GALNT13: variants seen among roughly 807,000 people sequenced by gnomAD.
GALNT13 encodes the protein polypeptide N-acetylgalactosaminyltransferase 13.
A neutral mutation model predicts 64.2 loss-of-function variants in GALNT13; 28 were observed. The ratio of observed to expected loss-of-function variants is 0.44; its 90% confidence interval spans 0.32 to 0.60. GALNT13 has a LOEUF of 0.60. Ranked by LOEUF, GALNT13 falls within the 20% of genes least tolerant of loss-of-function variation. The pLI, the probability that GALNT13 is intolerant of heterozygous loss-of-function variation, is 0.05. For synonymous variants in GALNT13, 214 were observed against 224.6 expected (o/e 0.95, Z 0.42); for missense variants, 577 against 669.8 (o/e 0.86, Z 1.53).
rs1392786236 is a variant in GALNT13 at position 154,379,753 on chromosome 2, C to A, written c.1157-16238C>A. 3.3e-5 allele frequency among the ~76,000 whole-genome samples: 5 copies of A among 152,100 alleles called. No individual in the cohort carries two copies. In the East Asian group the frequency reaches 9.7e-4, roughly 29 times the overall value. On this transcript the variant is annotated intron_variant, in intron 9 of 12. Transcript: ENST00000392825. Reference sequence around the variant, plus strand: ...CTGTTAAAATTTACAATGAATTCTGCAACACTGCCTTGCTGAGTAACTCTT... The same window carrying A: ...CTGTTAAAATTTACAATGAATTCTGAAACACTGCCTTGCTGAGTAACTCTT...
At chr2:153,275,133 C>G in the GALNT13 span, among the ~76,000 whole-genome samples, 1 of 152,132 alleles carries the variant, frequency 6.6e-6, no homozygotes, top group African/African-American at 2.4e-5. Flanking sequence ...CTCGATTCCT[C>G]AAAAATAACC....
the GALNT13 span, among the ~76,000 whole-genome samples, chr2:153,365,577 G>T: frequency 6.6e-6 from 1 of 152,090 alleles, no homozygotes; most frequent in South Asian, 2.1e-4. Context: ...TCAAAAAGTG[G>T]GCAAAGGATA....
chr2:154,360,445 G>A lies in GALNT13; in HGVS notation c.1157-35546G>A, dbSNP rs57456870. ...CTTCTTAAATAGATCTTTGAGTTTC[G>A]GAAAAACTATGGGGGAGAGAAATGT... On this transcript the variant is annotated intron_variant, in intron 9 of 12. Transcript: ENST00000392825. 8.3e-3 allele frequency among the ~76,000 whole-genome samples: 1,262 copies of A among 151,920 alleles called. 16 individuals are homozygous for A. The highest frequency in any genetic ancestry group is 0.029 in the African/African-American group (1,196 of 41,478).
the GALNT13 span, among the ~76,000 whole-genome samples, chr2:153,335,019 A>G: frequency 6.6e-6 from 1 of 152,170 alleles, no homozygotes. Flanking sequence ...AATAAGTCTC[A>G]TGAGATCTGA....
chr2:153,104,166 A>G, the GALNT13 span, among the ~76,000 whole-genome samples: 1 of 152,182 alleles, frequency 6.6e-6, no homozygotes, highest in African/African-American at 2.4e-5. Flanking sequence ...ATTTTGAGTT[A>G]TATGCTTTTT....
intron 5 of GALNT13, 148 bp from the exon 6 acceptor site, chr2:154,242,550 A>C (rs1689550650): frequency 3.3e-6 from 2 of 604,366 alleles, no homozygotes; most frequent in Admixed American, 6.1e-5. Flanking sequence ...TAACTAATGA[A>C]ATCTCTATTA....
At chr2:153,455,404 T>G in the GALNT13 span, among the ~76,000 whole-genome samples, 1 of 152,148 alleles carries the variant, frequency 6.6e-6, no homozygotes, top group Non-Finnish European at 1.5e-5. Flanking sequence ...GGATCTCAAC[T>G]CCTCCGCTGA....
the GALNT13 span, among the ~76,000 whole-genome samples, chr2:153,378,791 T>C: frequency 6.6e-6 from 1 of 152,168 alleles, no homozygotes; most frequent in African/African-American, 2.4e-5. Flanking sequence ...CCCAGGCCTC[T>C]GGTTTGTGTA....
At chr2:154,059,766 T>G (rs927750703) in intron 3 of GALNT13, among the ~76,000 whole-genome samples, 2 of 152,170 alleles carry the variant, frequency 1.3e-5, no homozygotes, top group Non-Finnish European at 2.9e-5. Flanking sequence ...GTTTTCCTTC[T>G]TATTAGCATT....
At chr2:154,138,764 C>G (rs554499201) in intron 3 of GALNT13, among the ~76,000 whole-genome samples, 1 of 151,840 alleles carries the variant, frequency 6.6e-6, no homozygotes, top group Admixed American at 6.6e-5. Flanking sequence ...ATTGTCTCAC[C>G]GACATCACAA....
intron 3 of GALNT13, among the ~76,000 whole-genome samples, chr2:153,946,981 T>C (rs1231857343): frequency 6.6e-6 from 1 of 152,052 alleles, no homozygotes; most frequent in African/African-American, 2.4e-5. Flanking sequence ...ACATTTTAGG[T>C]CTGCTAAAAA....
chr2:153,785,671 C>T, the GALNT13 span, among the ~76,000 whole-genome samples: 1 of 151,878 alleles, frequency 6.6e-6, no homozygotes, highest in African/African-American at 2.4e-5. Context: ...GGTGAAGCAG[C>T]TGCCCTGCTG....
chr2:153,890,943 G>A (rs1472145123), intron 1 of GALNT13, among the ~76,000 whole-genome samples: 3 of 152,030 alleles, frequency 2.0e-5, no homozygotes, highest in African/African-American at 4.8e-5. Flanking sequence ...GCTAATCAAG[G>A]TGTTGTTCCA....
chr2:154,086,165 T>C (rs1701512901), intron 3 of GALNT13, among the ~76,000 whole-genome samples: 1 of 148,196 alleles, frequency 6.7e-6, no homozygotes, highest in Non-Finnish European at 1.5e-5. Context: ...AGAATACATA[T>C]AATACATTTA....
At chr2:153,314,949 T>C in the GALNT13 span, among the ~76,000 whole-genome samples, 8 of 151,450 alleles carry the variant, frequency 5.3e-5, no homozygotes, top group Admixed American at 1.3e-4. Flanking sequence ...TAGAAAACAA[T>C]AGAATCAATA....
In GALNT13 at chr2:154,275,609, A is replaced by G. The variant is rs184165907; in HGVS notation, c.975+16471A>G. Among the ~76,000 whole-genome samples, 312 of 152,308 alleles carry G rather than the reference A, an allele frequency of 2.0e-3. 1 individual carries two copies. Among genetic ancestry groups the G allele is most frequent in the African/African-American group, 6.5e-3 (272 of 41,574 alleles). Reference sequence around the variant, plus strand: ...AATGCCTAGATGTCCAGGCAGAGGTATGCTGCAGGAGTGGAGCCCTCATGG... The same window carrying G: ...AATGCCTAGATGTCCAGGCAGAGGTGTGCTGCAGGAGTGGAGCCCTCATGG... On this transcript the variant is annotated intron_variant, in intron 8 of 12. Coordinates refer to ENST00000392825, the MANE Select transcript of GALNT13 (RefSeq NM_052917.4).
intron 11 of GALNT13, among the ~76,000 whole-genome samples, chr2:154,432,007 C>A (rs562730702): frequency 6.6e-5 from 10 of 152,180 alleles, no homozygotes; most frequent in African/African-American, 2.4e-4. Context: ...ACTAAAACAT[C>A]ATCTATGAAA....
At chr2:153,137,353 C>A in the GALNT13 span, among the ~76,000 whole-genome samples, 1 of 152,136 alleles carries the variant, frequency 6.6e-6, no homozygotes, top group South Asian at 2.1e-4. Flanking sequence ...GCAAGTATAT[C>A]TGGAAAGCTA....
At chr2:154,224,839 T>G (rs1688503925) in intron 4 of GALNT13, among the ~76,000 whole-genome samples, 2 of 152,120 alleles carry the variant, frequency 1.3e-5, no homozygotes, top group Admixed American at 1.3e-4. Flanking sequence ...AAATGCTCTC[T>G]GTCTGTGGTG....
Sources: gnomAD v4.1 joint callset for allele counts (sites outside exome capture counted in the v4.1 genomes callset) on GRCh38, gnomAD v4.1.1 for gene constraint, MANE v1.5 for transcripts, NCBI Gene and HGNC (gene_info 2026-07-23, HGNC 2026-07-21) for gene names.